The following GABRA1 variants were observed in gnomAD, a reference collection of about 807,000 sequenced individuals.
GABRA1 encodes gamma-aminobutyric acid receptor subunit alpha-1.
A neutral mutation model predicts 48.9 loss-of-function variants in GABRA1; 9 were observed. The ratio of observed to expected loss-of-function variants is 0.18; its 90% CI spans 0.11 to 0.32. GABRA1 has a LOEUF of 0.32. Ranked by LOEUF, GABRA1 falls within the 10% of genes least tolerant of loss-of-function variation. The pLI, the probability that GABRA1 is intolerant of heterozygous loss-of-function variation, is 1.00. For missense variants in GABRA1, 285 were observed against 553.8 expected (o/e 0.51, Z 4.87); for synonymous variants, 210 against 198.7 (o/e 1.06, Z -0.48).
intron 1 of GABRA1, chr5:161,849,086 T>A: frequency 2.4e-6 from 1 of 421,602 alleles, no homozygotes; most frequent in South Asian, 1.7e-5. Context: ...AGGTAGAAAG[T>A]GGTAAGACTG....
chr5:161,868,681 C>A (rs1419625300), intron 4 of GABRA1, among the ~76,000 whole-genome samples: 5 of 152,038 alleles, frequency 3.3e-5, no homozygotes, highest in Non-Finnish European at 7.4e-5. Flanking sequence ...AGTCAATGTC[C>A]AATAGGAGTT....
At chr5:161,861,682 A>T (rs1561569224) in intron 3 of GABRA1, among the ~76,000 whole-genome samples, 1 of 151,864 alleles carries the variant, frequency 6.6e-6, no homozygotes, top group Non-Finnish European at 1.5e-5. Flanking sequence ...AATTGAATGG[A>T]GATGAAGGAC....
chr5:161,860,712 T>A lies in GABRA1; in HGVS notation c.188-5009T>A, dbSNP rs553543995. On this transcript the variant is annotated intron_variant, in intron 3 of 9. Transcript: ENST00000393943. The stretch of plus-strand genomic sequence containing the variant: ...CCTGTTTTCTATGATGTGATTATGA[T>A]GCATTGCATGCTTGTATCAAAACAT... 1.4e-3 allele frequency among the ~76,000 whole-genome samples: 214 copies of A among 151,712 alleles called. 1 individual carries two copies. Among genetic ancestry groups the A allele is most frequent in the African/African-American group, 5.0e-3 (208 of 41,510 alleles).
At chr5:161,851,927 T>C (rs946801701) in intron 2 of GABRA1, among the ~76,000 whole-genome samples, 11 of 152,146 alleles carry the variant, frequency 7.2e-5, no homozygotes, top group Non-Finnish European at 1.2e-4. Context: ...TTTTATTATA[T>C]AGTGGTTCAT....
At chr5:161,890,553 G>A (rs1272125067) in intron 7 of GABRA1, among the ~76,000 whole-genome samples, 2 of 152,056 alleles carry the variant, frequency 1.3e-5, no homozygotes, top group African/African-American at 4.8e-5. Context: ...ATTGGTCTAT[G>A]TCACAGGGTT....
chr5:161,897,067 C>T lies in GABRA1; in HGVS notation c.1060-44C>T, dbSNP rs755162647. On this transcript the variant is annotated intron_variant, in intron 9 of 9. Coordinates refer to ENST00000393943, the MANE Select transcript of GABRA1 (RefSeq NM_001127644.2). ...TGCTCAGCAACTTATAATTTTGCTT[C>T]TCACTGTTTACTAAACAAAATGCAT... 3.1e-6 allele frequency: 5 copies of T among 1,591,582 alleles called. No individual in the cohort carries two copies. The South Asian group carries it at 3.3e-5, about 11-fold the overall frequency.
intron 4 of GABRA1, 65 bp downstream of exon 4, chr5:161,865,853 A>G: frequency 7.2e-7 from 1 of 1,384,496 alleles, no homozygotes. Flanking sequence ...TCAAAGAAAA[A>G]TATAAACTAA....
intron 1 of GABRA1, chr5:161,850,502 T>C (rs1415755943): frequency 1.9e-6 from 1 of 520,184 alleles, no homozygotes; most frequent in Non-Finnish European, 3.4e-6. Context: ...ATATAAAACC[T>C]AGAGATAAAC....
At chr5:161,892,219 T>C (rs558406999) in intron 8 of GABRA1, among the ~76,000 whole-genome samples, 18 of 152,324 alleles carry the variant, frequency 1.2e-4, no homozygotes, top group African/African-American at 4.3e-4. Context: ...TCAAGGTTCA[T>C]TCCACAAATA....
At chr5:161,861,526 C>T (rs1019825091) in intron 3 of GABRA1, among the ~76,000 whole-genome samples, 1 of 151,742 alleles carries the variant, frequency 6.6e-6, no homozygotes, top group Non-Finnish European at 1.5e-5. Flanking sequence ...TCTTGGAATC[C>T]CAAAACACTG....
chr5:161,897,718 A>G lies in GABRA1; in HGVS notation c.*296A>G, dbSNP rs1755435278. On this transcript the variant is annotated 3_prime_UTR_variant, in exon 10 of 10. Transcript: ENST00000393943. ...GGTTCAAAGATACAAGAAAAAGTAG[A>G]AAAAAAAATAACACTTAACTAAAAC... The G allele has an allele frequency of 3.3e-6, 1 of 301,564 alleles. No individual in the cohort carries two copies. The highest frequency in any genetic ancestry group is 2.3e-5 in the African/African-American group (1 of 43,766). The allele number at this position is 301,564 out of a possible 1,614,324, so 18.7% of individuals were successfully genotyped here. A position where few individuals can be genotyped will look rare whatever the true frequency, so the allele number is the denominator to read the frequency against.
At chr5:161,867,521 A>G (rs1231878632) in intron 4 of GABRA1, among the ~76,000 whole-genome samples, 1 of 152,160 alleles carries the variant, frequency 6.6e-6, no homozygotes, top group East Asian at 1.9e-4. Flanking sequence ...TAAGCTTCTA[A>G]GGCTCAAAGT....
intron 8 of GABRA1, 24 bp downstream of exon 8, chr5:161,891,074 C>A (rs569712567): frequency 4.3e-6 from 7 of 1,610,184 alleles, no homozygotes; most frequent in African/African-American, 1.3e-5. Flanking sequence ...AAGATACATA[C>A]GCAAGGAAGG....
intron 6 of GABRA1, among the ~76,000 whole-genome samples, chr5:161,878,009 G>T (rs1199964855): frequency 6.6e-6 from 1 of 152,176 alleles, no homozygotes; most frequent in African/African-American, 2.4e-5. Context: ...TCACAGCAAT[G>T]ATGATTCATT....
intron 6 of GABRA1, among the ~76,000 whole-genome samples, chr5:161,877,269 C>G (rs1388183619): frequency 6.6e-6 from 1 of 152,124 alleles, no homozygotes; most frequent in Non-Finnish European, 1.5e-5. Context: ...ATAATTCCCC[C>G]TTTTATCTTA....
chr5:161,887,452 A>T (rs979216285), intron 7 of GABRA1, among the ~76,000 whole-genome samples: 2 of 152,146 alleles, frequency 1.3e-5, no homozygotes, highest in Non-Finnish European at 2.9e-5. Context: ...GGGAAAAAAA[A>T]AAGACTTCTG....
At position 161,887,935 on chromosome 5, in the gene GABRA1, A is replaced by C. The variant is rs115048365; in HGVS notation, c.704-2963A>C. Among the ~76,000 whole-genome samples the C allele has an allele frequency of 2.4e-3, 366 of 152,274 alleles. 2 individuals are homozygous for C. The highest frequency in any genetic ancestry group is 8.2e-3 in the African/African-American group (341 of 41,590). On this transcript the variant is annotated intron_variant, in intron 7 of 9. Coordinates refer to ENST00000393943, the MANE Select transcript of GABRA1 (RefSeq NM_001127644.2). ...CGGGAAACTGTAGCCAAATGAACCT[A>C]TGCAAGGTATTTACCTCCAAGTAAC...
At chr5:161,876,182 C>CAT (rs139492840) in intron 6 of GABRA1, among the ~76,000 whole-genome samples, 34,242 of 148,414 alleles carry the variant, frequency 0.23, 4,840 homozygotes, top group African/African-American at 0.39. Flanking sequence ...TCATGGCATT[C>CAT]ATATATATAT....
intron 1 of GABRA1, 41 bp from the exon 2 acceptor site, chr5:161,850,755 T>G: frequency 6.5e-7 from 1 of 1,538,892 alleles, no homozygotes. Flanking sequence ...ACCTGATGTT[T>G]CTTGCTAGAG....
Sources: gnomAD v4.1 joint callset for allele counts (sites outside exome capture counted in the v4.1 genomes callset) on GRCh38, gnomAD v4.1.1 for gene constraint, MANE v1.5 for transcripts, NCBI Gene and HGNC (gene_info 2026-07-23, HGNC 2026-07-21) for gene names.